Variants in DIP2C observed in about 807,000 individuals in gnomAD.
DIP2C encodes the protein DIP2 acetate--CoA ligase C (putative).
A neutral mutation model predicts 192.4 loss-of-function variants in DIP2C; 33 were observed. The ratio of observed to expected loss-of-function variants is 0.17; its 90% CI spans 0.13 to 0.23. The LOEUF (loss-of-function observed/expected upper bound fraction) is 0.23, where lower values mean the gene tolerates loss of function less well. Among genes scored for constraint, DIP2C ranks in the 10% least tolerant of loss-of-function variants. The probability of loss-of-function intolerance (pLI) is 1.00; values close to 1 mark genes in which losing one functional copy is unlikely to be tolerated. For missense variants in DIP2C, 1,537 were observed against 2,110.1 expected (o/e 0.73, Z 5.32); for synonymous variants, 979 against 864.1 (o/e 1.13, Z -2.33).
intron 1 of DIP2C, among the ~76,000 whole-genome samples, chr10:635,674 G>C (rs569410069): frequency 6.6e-5 from 10 of 152,380 alleles, no homozygotes; most frequent in African/African-American, 1.9e-4. Context: ...CACTGCCCCA[G>C]GAGCCAGCAT....
chr10:428,568 C>G (rs1201361133), intron 4 of DIP2C, among the ~76,000 whole-genome samples: 2 of 152,088 alleles, frequency 1.3e-5, no homozygotes, highest in Non-Finnish European at 2.9e-5. Context: ...GGAGTCCTTT[C>G]AGGATCTCCT....
intron 1 of DIP2C, among the ~76,000 whole-genome samples, chr10:647,992 A>C (rs185334247): frequency 0.018 from 2,701 of 150,304 alleles, 79 homozygotes; most frequent in African/African-American, 0.063. Flanking sequence ...GGACGGTGGG[A>C]GAGAACAGAG....
At chr10:528,983 GATC>G (rs1847221520) in intron 1 of DIP2C, among the ~76,000 whole-genome samples, 1 of 152,222 alleles carries the variant, frequency 6.6e-6, no homozygotes, top group Non-Finnish European at 1.5e-5. Flanking sequence ...AAGCTGAGCT[GATC>G]ATGAGACACC....
intron 2 of DIP2C, among the ~76,000 whole-genome samples, chr10:479,527 G>T (rs950221546): frequency 3.3e-5 from 5 of 151,726 alleles, no homozygotes; most frequent in Non-Finnish European, 5.9e-5. Flanking sequence ...GTAGAGATGG[G>T]GTTTCAACAT....
chr10:284,724 A>AC (rs1283194645), intron 34 of DIP2C, among the ~76,000 whole-genome samples: 4 of 152,224 alleles, frequency 2.6e-5, no homozygotes, highest in Non-Finnish European at 5.9e-5. Flanking sequence ...TGATAACAGA[A>AC]TAGATCCTAA....
chr10:540,568 G>A (rs1338032399), intron 1 of DIP2C, among the ~76,000 whole-genome samples: 1 of 152,218 alleles, frequency 6.6e-6, no homozygotes, highest in Admixed American at 6.5e-5. Context: ...AGCTGGGGTA[G>A]GAGGAAAGCT....
At chr10:462,081 A>T (rs1013219669) in intron 3 of DIP2C, among the ~76,000 whole-genome samples, 3 of 152,248 alleles carry the variant, frequency 2.0e-5, no homozygotes, top group East Asian at 1.9e-4. Flanking sequence ...AAAGCAGGAA[A>T]GATCTAAAAT....
At chr10:568,021 G>A (rs760753794) in intron 1 of DIP2C, among the ~76,000 whole-genome samples, 12 of 152,166 alleles carry the variant, frequency 7.9e-5, no homozygotes, top group Non-Finnish European at 1.3e-4. Context: ...TACAACACTC[G>A]AAGCATCACA....
chr10:505,018 G>A lies in DIP2C; in HGVS notation c.86-18488C>T, dbSNP rs183562818. ...CATTCAGCAAAACCGCCGTGAACCC[G>A]CGGGATCCCCACCCTGCCCTCCAAG... On this transcript the variant is annotated intron_variant, in intron 1 of 36. Coordinates refer to ENST00000280886, the MANE Select transcript of DIP2C (RefSeq NM_014974.3). 1.1e-4 allele frequency among the ~76,000 whole-genome samples: 17 copies of A among 152,162 alleles called. No individual in the cohort carries two copies. In the East Asian group the frequency reaches 2.7e-3, roughly 24 times the overall value.
At chr10:627,307 C>G (rs1398290180) in intron 1 of DIP2C, among the ~76,000 whole-genome samples, 1 of 152,242 alleles carries the variant, frequency 6.6e-6, no homozygotes. Flanking sequence ...CTCCCGACAC[C>G]TCCCTCTCCA....
intron 1 of DIP2C, among the ~76,000 whole-genome samples, chr10:565,554 CCA>C (rs1321938229): frequency 2.0e-5 from 3 of 152,134 alleles, no homozygotes; most frequent in East Asian, 1.9e-4. Flanking sequence ...GAGGCATTTT[CCA>C]CAGACTACTA....
intron 1 of DIP2C, among the ~76,000 whole-genome samples, chr10:561,101 T>C (rs558322565): frequency 6.6e-6 from 1 of 152,322 alleles, no homozygotes; most frequent in African/African-American, 2.4e-5. Context: ...GATTGATGTC[T>C]CATGTCTCCC....
intron 2 of DIP2C, among the ~76,000 whole-genome samples, chr10:477,826 A>G (rs988867835): frequency 1.4e-5 from 2 of 138,612 alleles, no homozygotes; most frequent in Admixed American, 1.4e-4. Flanking sequence ...AACAAGAGAG[A>G]AGGAGAAGGG....
chr10:349,232 G>A (rs1291788845), intron 25 of DIP2C, 99 bp downstream of exon 25: 43 of 1,491,972 alleles, frequency 2.9e-5, no homozygotes, highest in Non-Finnish European at 3.7e-5. Flanking sequence ...CAGCCATGAC[G>A]CGACCCTCGG....
chr10:486,610 G>A (rs1412198971), intron 1 of DIP2C, 80 bp from the exon 2 acceptor site: 2 of 1,191,454 alleles, frequency 1.7e-6, no homozygotes, highest in South Asian at 1.7e-5. Context: ...AGAAGACACA[G>A]TTATCACAGT....
chr10:534,272 A>G (rs1202503573), intron 1 of DIP2C, among the ~76,000 whole-genome samples: 2 of 152,150 alleles, frequency 1.3e-5, no homozygotes, highest in Non-Finnish European at 2.9e-5. Flanking sequence ...CTCTCACTTC[A>G]TCCCCTTAAA....
intron 1 of DIP2C, among the ~76,000 whole-genome samples, chr10:611,049 GCTTT>G (rs1853068028): frequency 2.0e-5 from 3 of 151,524 alleles, no homozygotes; most frequent in African/African-American, 7.3e-5. Flanking sequence ...TCACGGGGGT[GCTTT>G]CTAACACCCA....
chr10:363,242 G>C lies in DIP2C; in HGVS notation c.2547C>G (p.Asp849Glu). The change falls in exon 21 of 37, where the codon GAC becomes GAG. Residue 849 changes from aspartate (D) to glutamate (E), a missense_variant. Asp to Glu is a conservative substitution (Grantham distance 45). This residue lies in a region of DIP2C where 677 missense variants were observed against 989.9 expected (regional missense o/e 0.68). Transcript: ENST00000280886. This position sits in a 1 kb window ranked among gnomAD's most constrained non-coding sequence, Gnocchi z 5.4. ...RIVIVAEQRP[D>E]STEEDSFQWM... is the part of the protein sequence containing the mutation. ...ACTGGAAACTGTCCTCTTCCGTGGAGTCAGGCCTCTGCTCAGCCACGATCA... is the reference window on the plus strand; with the variant it reads ...ACTGGAAACTGTCCTCTTCCGTGGACTCAGGCCTCTGCTCAGCCACGATCA... 1.9e-6 allele frequency: 3 copies of C among 1,613,662 alleles called. No homozygotes were observed. Among genetic ancestry groups the C allele is most frequent in the Non-Finnish European group, 2.5e-6 (3 of 1,180,028 alleles).
intron 5 of DIP2C, 93 bp from the exon 6 acceptor site, chr10:419,292 G>A: frequency 6.4e-7 from 1 of 1,570,406 alleles, no homozygotes; most frequent in South Asian, 1.2e-5. Context: ...CTGAAGCACA[G>A]GTGCTCACCC....
Sources: gnomAD v4.1 joint callset for allele counts (sites outside exome capture counted in the v4.1 genomes callset) on GRCh38, gnomAD v4.1.1 for gene constraint, gnomAD v4.1.1 regional missense constraint, Gnocchi (gnomAD v3.1) non-coding constraint, MANE v1.5 for transcripts, NCBI Gene and HGNC (gene_info 2026-07-23, HGNC 2026-07-21) for gene names.